CHEK2: variants seen among roughly 807,000 people sequenced by gnomAD.
The protein encoded by CHEK2 is serine/threonine-protein kinase Chk2.
A neutral mutation model predicts 69.1 loss-of-function variants in CHEK2; 71 were observed. The ratio of observed to expected loss-of-function variants is 1.03; its 90% CI spans 0.85 to 1.25. CHEK2 has a LOEUF of 1.25. CHEK2 is among the 50% of genes most tolerant of loss of function. The pLI, the probability that CHEK2 is intolerant of heterozygous loss-of-function variation, is 0.00. For synonymous variants in CHEK2, 189 were observed against 226.9 expected (o/e 0.83, Z 1.50); for missense variants, 664 against 649.6 (o/e 1.02, Z -0.24).
chr22:28,738,815 C>A (rs376416112), intron 1 of CHEK2, among the ~76,000 whole-genome samples: 1 of 152,088 alleles, frequency 6.6e-6, no homozygotes, highest in Non-Finnish European at 1.5e-5. Flanking sequence ...TTTCATCAAG[C>A]TAAAAAGCTT....
chr22:28,692,103 T>C (rs2052388699), intron 13 of CHEK2, among the ~76,000 whole-genome samples: 2 of 152,158 alleles, frequency 1.3e-5, no homozygotes, highest in South Asian at 2.1e-4. Context: ...TAAGTTTTCT[T>C]TGACACAAAA....
intron 4 of CHEK2, among the ~76,000 whole-genome samples, chr22:28,722,633 T>C (rs1445660609): frequency 6.6e-6 from 1 of 152,058 alleles, no homozygotes; most frequent in Non-Finnish European, 1.5e-5. Flanking sequence ...AAATGTACTT[T>C]AGGATGCCCA....
At chr22:28,720,409 AC>A (rs1340101643) in intron 4 of CHEK2, among the ~76,000 whole-genome samples, 2 of 152,126 alleles carry the variant, frequency 1.3e-5, no homozygotes, top group African/African-American at 4.8e-5. Flanking sequence ...AAAAAGTAAA[AC>A]AACTACTTTT....
At chr22:28,737,355 C>A in intron 1 of CHEK2, 1 of 442,726 alleles carries the variant, frequency 2.3e-6, no homozygotes, top group South Asian at 1.7e-5. Flanking sequence ...TTTACAGCTT[C>A]TCTTTACAAT....
chr22:28,732,467 A>G (rs945991501), intron 2 of CHEK2, among the ~76,000 whole-genome samples: 8 of 151,970 alleles, frequency 5.3e-5, no homozygotes, highest in Non-Finnish European at 1.2e-4. Context: ...GGATGGCCTC[A>G]AACTCCTGAC....
At chr22:28,728,967 C>T (rs1252328909) in intron 2 of CHEK2, among the ~76,000 whole-genome samples, 1 of 53,624 alleles carries the variant, frequency 1.9e-5, no homozygotes, top group East Asian at 5.8e-4. Flanking sequence ...AGAGTGAGAC[C>T]CTGTCTCAAA....
At chr22:28,690,084 C>T (rs1249938257) in intron 13 of CHEK2, among the ~76,000 whole-genome samples, 5 of 152,196 alleles carry the variant, frequency 3.3e-5, no homozygotes, top group African/African-American at 7.2e-5. Flanking sequence ...GCCTCATGTA[C>T]TTTCCCACCC....
chr22:28,737,266 C>T (rs573684583), intron 1 of CHEK2: 73 of 473,332 alleles, frequency 1.5e-4, no homozygotes, highest in Non-Finnish European at 2.4e-4. Flanking sequence ...TTACCATAGA[C>T]GTTAGCAGCC....
chr22:28,708,223 T>C (rs1050635153), intron 7 of CHEK2, among the ~76,000 whole-genome samples: 3 of 152,070 alleles, frequency 2.0e-5, no homozygotes, highest in African/African-American at 7.2e-5. Flanking sequence ...GGGTATGGTG[T>C]GGCACATGCC....
At chr22:28,722,427 C>T (rs985133642) in intron 4 of CHEK2, among the ~76,000 whole-genome samples, 24 of 150,448 alleles carry the variant, frequency 1.6e-4, no homozygotes. Flanking sequence ...ATAGTCCCAA[C>T]TACTTGGGAG....
chr22:28,702,112 C>T (rs572959299), intron 8 of CHEK2, among the ~76,000 whole-genome samples: 27 of 104,692 alleles, frequency 2.6e-4, no homozygotes, highest in African/African-American at 7.7e-4. Flanking sequence ...CCACTATGCC[C>T]GGCTAATTTT....
At chr22:28,689,888 G>A (rs2052290963) in intron 13 of CHEK2, among the ~76,000 whole-genome samples, 1 of 152,132 alleles carries the variant, frequency 6.6e-6, no homozygotes, top group African/African-American at 2.4e-5. Context: ...GCTCACTTCT[G>A]CAGGGTTCGA....
At chr22:28,719,805 T>C (rs1236487323) in intron 4 of CHEK2, among the ~76,000 whole-genome samples, 1 of 152,156 alleles carries the variant, frequency 6.6e-6, no homozygotes, top group Non-Finnish European at 1.5e-5. Flanking sequence ...ATTACACTAA[T>C]ATAAAATGCC....
At chr22:28,734,815 C>CAA in intron 1 of CHEK2, 88 bp from the exon 2 acceptor site, 5 of 757,972 alleles carry the variant, frequency 6.6e-6, no homozygotes, top group African/African-American at 4.6e-5. Flanking sequence ...ATTACAACAG[C>CAA]AAAAGAAAAG....
At position 28,694,034 on chromosome 22, in the gene CHEK2, G is replaced by A. The variant is rs876659250; in HGVS notation, c.1459C>T (p.Gln487Ter). 1.3e-6 allele frequency: 2 copies of A among 1,592,608 alleles called. No homozygotes were observed. The highest frequency in any genetic ancestry group is 2.2e-5 in the East Asian group (1 of 44,858). The change falls in exon 13 of 15, where the codon CAG becomes TAG. Residue 487 changes from glutamine (Q) to a stop codon, truncating the protein, a stop_gained and splice_region_variant. Coordinates refer to ENST00000404276, the MANE Select transcript of CHEK2 (RefSeq NM_007194.4). LOFTEE classifies it high-confidence loss of function. ...TEEALRHPWL[Q>*]DEDMKRKFQD... is the part of the protein sequence containing the mutation. ...AGCAGGCACTGTCCCACACCCACCT[G>A]AAGCCACGGGTGTCTTAAGGCTTCT... is the stretch of plus-strand genomic sequence containing the variant.
intron 5 of CHEK2, among the ~76,000 whole-genome samples, chr22:28,713,862 G>A (rs901069276): frequency 3.3e-4 from 50 of 151,614 alleles, no homozygotes; most frequent in African/African-American, 1.2e-3. Context: ...TGTATTTTTA[G>A]TAGAGACGGG....
intron 10 of CHEK2, among the ~76,000 whole-genome samples, chr22:28,696,399 T>C (rs898110067): frequency 6.6e-6 from 1 of 152,192 alleles, no homozygotes; most frequent in Non-Finnish European, 1.5e-5. Flanking sequence ...TCTGAGATGA[T>C]GTCTGGCCCT....
At chr22:28,731,576 A>G (rs1355795787) in intron 2 of CHEK2, among the ~76,000 whole-genome samples, 2 of 152,182 alleles carry the variant, frequency 1.3e-5, no homozygotes, top group African/African-American at 4.8e-5. Flanking sequence ...AGCCTGGGTG[A>G]CAGAGTGAGA....
chr22:28,705,621 T>C (rs1168926875), intron 7 of CHEK2, among the ~76,000 whole-genome samples: 1 of 152,066 alleles, frequency 6.6e-6, no homozygotes, highest in Non-Finnish European at 1.5e-5. Context: ...GATACACATA[T>C]ATGTGGCTTT....
Sources: gnomAD v4.1 joint callset for allele counts (sites outside exome capture counted in the v4.1 genomes callset) on GRCh38, gnomAD v4.1.1 for gene constraint, MANE v1.5 for transcripts, NCBI Gene and HGNC (gene_info 2026-07-23, HGNC 2026-07-21) for gene names.